ZBBX: variants seen among roughly 807,000 people sequenced by gnomAD.
ZBBX encodes zinc finger B-box domain-containing protein 1.
A neutral mutation model predicts 108.5 loss-of-function variants in ZBBX; 101 were observed. That is an observed-to-expected ratio of 0.93 (90% CI 0.79 to 1.10). The LOEUF is 1.10. Ranked by LOEUF, ZBBX falls within the 50% of genes least tolerant of loss-of-function variation. The pLI, the probability that ZBBX is intolerant of heterozygous loss-of-function variation, is 0.00. For missense variants in ZBBX, 1,009 were observed against 941.4 expected (o/e 1.07, Z -0.94); for synonymous variants, 356 against 323.4 (o/e 1.10, Z -1.08).
intron 1 of ZBBX, chr3:167,392,919 G>A (rs1440421257): frequency 6.6e-6 from 1 of 151,734 alleles, no homozygotes; most frequent in Non-Finnish European, 1.5e-5. Flanking sequence ...GATTAAAGCT[G>A]GAAATATAAA....
chr3:167,262,113 T>G (rs1191881461), intron 20 of ZBBX, among the ~76,000 whole-genome samples: 1 of 152,174 alleles, frequency 6.6e-6, no homozygotes, highest in African/African-American at 2.4e-5. Context: ...CAAACAGAAC[T>G]TCAGCTTTCA....
intron 20 of ZBBX, among the ~76,000 whole-genome samples, chr3:167,281,775 C>T (rs1728853114): frequency 1.3e-5 from 2 of 152,190 alleles, no homozygotes; most frequent in South Asian, 4.1e-4. Context: ...CCTTACCTGA[C>T]ATACTCAATC....
intron 12 of ZBBX, among the ~76,000 whole-genome samples, chr3:167,320,340 C>T (rs1736232732): frequency 6.7e-6 from 1 of 150,068 alleles, no homozygotes; most frequent in Non-Finnish European, 1.5e-5. Flanking sequence ...ATTTGAGTTG[C>T]AAAATAAATA....
intron 5 of ZBBX, 33 bp from the exon 6 acceptor site, chr3:167,366,009 C>T (rs1434722970): frequency 8.9e-6 from 13 of 1,458,688 alleles, no homozygotes; most frequent in Non-Finnish European, 1.2e-5. Flanking sequence ...AAAATGTAAT[C>T]ACTAAACACA....
In ZBBX at chr3:167,254,193, AT is replaced by A. The variant is rs377764309; in HGVS notation, c.2255-11551del. Among the ~76,000 whole-genome samples, 13 of 152,214 alleles carry A rather than the reference AT, an allele frequency of 8.5e-5. No homozygotes were observed. In the South Asian group the frequency reaches 2.7e-3, roughly 32 times the overall value. The stretch of plus-strand genomic sequence containing the variant: ...TTTTCTGGGACACACACACTGACAT[AT>A]TTTTTTGTAAAGTGTTACAATGTTT... On this transcript the variant is annotated intron_variant, in intron 20 of 21. Transcript: ENST00000675490.
At chr3:167,358,410 A>G (rs2108529757) in intron 8 of ZBBX, among the ~76,000 whole-genome samples, 1 of 152,150 alleles carries the variant, frequency 6.6e-6, no homozygotes, top group Non-Finnish European at 1.5e-5. Context: ...TAATGGATAC[A>G]GAGTTTCAGT....
chr3:167,237,271 A>G (rs986204310), downstream of ZBBX, among the ~76,000 whole-genome samples: 3 of 151,904 alleles, frequency 2.0e-5, 1 homozygote, highest in Non-Finnish European at 4.4e-5. Flanking sequence ...AAAAATACTA[A>G]AACTATTAAA....
Position 167,252,144 on chromosome 3 carries a change from G to A in ZBBX, c.2255-9501C>T, listed in dbSNP as rs750208853. 107 of 1,288,932 alleles carry A rather than the reference G, an allele frequency of 8.3e-5. No individual in the cohort carries two copies. The South Asian group carries it at 1.2e-3, about 15-fold the overall frequency. 79.8% of individuals were successfully genotyped at this position (1,288,932 alleles called of 1,614,324 possible). On this transcript the variant is annotated intron_variant, in intron 20 of 21. Coordinates refer to ENST00000675490, the MANE Select transcript of ZBBX (RefSeq NM_001199201.2). ...TGTTTACCTAATGTAGTTATTTTCT[G>A]TCTTATTCTCCCAGCTCCTTAACAT...
At chr3:167,371,220 TATC>T (rs1414854347) in intron 4 of ZBBX, among the ~76,000 whole-genome samples, 3 of 152,194 alleles carry the variant, frequency 2.0e-5, no homozygotes, top group Non-Finnish European at 4.4e-5. Flanking sequence ...ACACATTAGT[TATC>T]ATCTAGACCC....
At chr3:167,392,623 T>A (rs1348859319) in intron 1 of ZBBX, among the ~76,000 whole-genome samples, 1 of 151,816 alleles carries the variant, frequency 6.6e-6, no homozygotes, top group Non-Finnish European at 1.5e-5. Flanking sequence ...AAGAGATTAG[T>A]CATTGAACCC....
chr3:167,313,561 C>T (rs1281027307), intron 16 of ZBBX, among the ~76,000 whole-genome samples: 1 of 152,080 alleles, frequency 6.6e-6, no homozygotes, highest in East Asian at 1.9e-4. Context: ...GGATTACAAG[C>T]TTGAGCCACC....
chr3:167,231,792 T>C, the ZBBX span, among the ~76,000 whole-genome samples: 1 of 151,810 alleles, frequency 6.6e-6, no homozygotes, highest in Admixed American at 6.6e-5. Flanking sequence ...TTAAAAGGTA[T>C]TCATTCCAAG....
chr3:167,333,196 G>A (rs570550836), intron 10 of ZBBX, among the ~76,000 whole-genome samples: 18 of 152,078 alleles, frequency 1.2e-4, no homozygotes, highest in African/African-American at 4.1e-4. Context: ...CAAGCAGAAT[G>A]ACTTCAGCTA....
chr3:167,315,290 T>C (rs1375947226), intron 15 of ZBBX, among the ~76,000 whole-genome samples: 14 of 152,220 alleles, frequency 9.2e-5, no homozygotes, highest in Non-Finnish European at 2.9e-5. Context: ...GTTTACTTTA[T>C]TATACGTTAA....
intron 10 of ZBBX, among the ~76,000 whole-genome samples, chr3:167,332,111 A>C (rs1738734047): frequency 6.6e-6 from 1 of 152,152 alleles, no homozygotes; most frequent in African/African-American, 2.4e-5. Context: ...AGTTTTTAAC[A>C]ATCTCCAATT....
chr3:167,251,254 C>T (rs574286843), intron 20 of ZBBX, among the ~76,000 whole-genome samples: 10 of 152,320 alleles, frequency 6.6e-5, no homozygotes, highest in South Asian at 6.2e-4. Context: ...ACGTGTGATC[C>T]GATTCTTCTG....
At chr3:167,348,002 A>G (rs1473507902) in intron 9 of ZBBX, among the ~76,000 whole-genome samples, 1 of 152,026 alleles carries the variant, frequency 6.6e-6, no homozygotes, top group African/African-American at 2.4e-5. Context: ...TAATCCATGT[A>G]TGCTAACTTT....
intron 20 of ZBBX, among the ~76,000 whole-genome samples, chr3:167,277,881 G>C (rs1170651770): frequency 6.6e-6 from 1 of 151,854 alleles, no homozygotes; most frequent in African/African-American, 2.4e-5. Context: ...TAAAAGAACA[G>C]AAATTATAAC....
At chr3:167,405,021 G>T (rs1748541414) in intron 1 of ZBBX, among the ~76,000 whole-genome samples, 1 of 152,146 alleles carries the variant, frequency 6.6e-6, no homozygotes, top group Admixed American at 6.5e-5. Flanking sequence ...GTGGCAATAG[G>T]AAGACATCTA....
Sources: gnomAD v4.1 joint callset for allele counts (sites outside exome capture counted in the v4.1 genomes callset) on GRCh38, gnomAD v4.1.1 for gene constraint, MANE v1.5 for transcripts, NCBI Gene and HGNC (gene_info 2026-07-23, HGNC 2026-07-21) for gene names.